LRMDA: variants seen among roughly 807,000 people sequenced by gnomAD.
LRMDA encodes the protein leucine rich melanocyte differentiation associated.
A neutral mutation model predicts 29.8 loss-of-function variants in LRMDA; 18 were observed. The observed-to-expected ratio is 0.60, with a 90% CI of 0.42 to 0.90. LRMDA has a LOEUF of 0.90. Ranked by LOEUF, LRMDA falls within the 40% of genes least tolerant of loss-of-function variation. The pLI, the probability that LRMDA is intolerant of heterozygous loss-of-function variation, is 0.00. For missense variants in LRMDA, 273 were observed against 273.9 expected, an observed-to-expected ratio of 1.00 and a Z score of 0.02; for synonymous variants, 125 against 109.4, an observed-to-expected ratio of 1.14 and a Z score of -0.89.
At chr10:75,754,531 A>G (rs1264830798) in intron 2 of LRMDA, among the ~76,000 whole-genome samples, 1 of 152,148 alleles carries the variant, frequency 6.6e-6, no homozygotes, top group East Asian at 1.9e-4. Context: ...TTTTTCGCCT[A>G]ACTGCACGGG....
intron 2 of LRMDA, among the ~76,000 whole-genome samples, chr10:75,706,318 T>C (rs1480669975): frequency 6.6e-6 from 1 of 152,224 alleles, no homozygotes; most frequent in Non-Finnish European, 1.5e-5. Context: ...TTTTGTATTA[T>C]TTCCTTAGGA....
chr10:75,969,957 G>A (rs936589297), intron 2 of LRMDA, among the ~76,000 whole-genome samples: 1 of 152,204 alleles, frequency 6.6e-6, no homozygotes, highest in African/African-American at 2.4e-5. Context: ...AAATGGAATT[G>A]TCTGAGATAG....
At chr10:76,233,809 A>G (rs1172512933) in intron 5 of LRMDA, among the ~76,000 whole-genome samples, 1 of 152,174 alleles carries the variant, frequency 6.6e-6, no homozygotes, top group Non-Finnish European at 1.5e-5. Context: ...ATTCAGTCCT[A>G]TCTTCAGGCT....
intron 2 of LRMDA, among the ~76,000 whole-genome samples, chr10:75,940,480 C>T (rs907854443): frequency 2.0e-5 from 3 of 152,120 alleles, no homozygotes; most frequent in African/African-American, 7.2e-5. Flanking sequence ...GTGCCTTCCA[C>T]GAAGCCATTC....
intron 2 of LRMDA, among the ~76,000 whole-genome samples, chr10:75,691,498 A>G (rs1441555765): frequency 6.6e-6 from 1 of 152,080 alleles, no homozygotes; most frequent in East Asian, 1.9e-4. Context: ...GAGGCAGCCT[A>G]CCTTGTTCCC....
chr10:76,492,501 G>C (rs951117832), intron 6 of LRMDA, among the ~76,000 whole-genome samples: 2 of 152,030 alleles, frequency 1.3e-5, no homozygotes, highest in Non-Finnish European at 2.9e-5. Flanking sequence ...TGGTTTACTA[G>C]GCAAAGACTC....
chr10:76,420,991 G>A (rs1842066276), intron 6 of LRMDA, among the ~76,000 whole-genome samples: 1 of 152,116 alleles, frequency 6.6e-6, no homozygotes, highest in South Asian at 2.1e-4. Context: ...GTCCTCACGT[G>A]CAGTATTCTT....
intron 2 of LRMDA, among the ~76,000 whole-genome samples, chr10:75,702,799 T>C (rs1340364346): frequency 6.6e-6 from 1 of 152,210 alleles, no homozygotes. Context: ...TCCTTATGAG[T>C]TGTGGTATAG....
rs540756508 is a variant in LRMDA, at chr10:76,203,032, T to C, written c.517-121369T>C. On this transcript the variant is annotated intron_variant, in intron 5 of 6. Transcript: ENST00000611255. ...CTACTCTTTGGTAAATGGTATTCAG[T>C]GGTTTACTTTTCTAAAAACTCAGCC... Among the ~76,000 whole-genome samples the C allele has an allele frequency of 3.9e-5, 6 of 152,260 alleles. No individual in the cohort carries two copies. The East Asian group carries it at 1.2e-3, about 29-fold the overall frequency.
intron 3 of LRMDA, among the ~76,000 whole-genome samples, chr10:76,045,589 G>C (rs1848425601): frequency 6.6e-6 from 1 of 152,110 alleles, no homozygotes; most frequent in Non-Finnish European, 1.5e-5. Flanking sequence ...GATGGTGGCA[G>C]AGCATGTGTA....
intron 5 of LRMDA, among the ~76,000 whole-genome samples, chr10:76,109,249 T>C (rs1388512596): frequency 1.3e-5 from 2 of 152,204 alleles, no homozygotes; most frequent in African/African-American, 4.8e-5. Flanking sequence ...ATGACCTTAA[T>C]AGCATTAGTG....
chr10:75,804,772 G>A (rs1589212335), intron 2 of LRMDA, among the ~76,000 whole-genome samples: 1 of 152,200 alleles, frequency 6.6e-6, no homozygotes, highest in East Asian at 1.9e-4. Context: ...AAGATAGATG[G>A]CTCTAAAATG....
In LRMDA at chr10:76,384,431, C is replaced by T. The variant is rs902319786; in HGVS notation, c.601+59946C>T. On this transcript the variant is annotated intron_variant, in intron 6 of 6. Transcript: ENST00000611255. ...GAAAACAAAATTTCATATTTTATAC[C>T]GAATGTTATATCCAGACCTGTCTGT... Among the ~76,000 whole-genome samples, 10 of 152,112 alleles carry T rather than the reference C, an allele frequency of 6.6e-5. No homozygotes were observed. In the East Asian group the frequency reaches 7.7e-4, roughly 12 times the overall value.
At chr10:76,386,533 A>G (rs1017989341) in intron 6 of LRMDA, among the ~76,000 whole-genome samples, 23 of 152,100 alleles carry the variant, frequency 1.5e-4, no homozygotes, top group African/African-American at 5.3e-4. Flanking sequence ...TTTCAGTTTT[A>G]TTTGTCAGCC....
chr10:75,888,225 A>AAC (rs1341975350), intron 2 of LRMDA, among the ~76,000 whole-genome samples: 1 of 152,208 alleles, frequency 6.6e-6, no homozygotes, highest in Non-Finnish European at 1.5e-5. Flanking sequence ...TGAAGAAAAA[A>AAC]AGAGAGAGTT....
chr10:75,782,920 A>G, intron 2 of LRMDA: 1 of 1,611,690 alleles, frequency 6.2e-7, no homozygotes, highest in Non-Finnish European at 8.5e-7. Flanking sequence ...CAACAGTGGC[A>G]TCTGCTCAGT....
chr10:75,999,873 C>T (rs1847531903), intron 2 of LRMDA, among the ~76,000 whole-genome samples: 3 of 152,232 alleles, frequency 2.0e-5, no homozygotes, highest in South Asian at 2.1e-4. Context: ...TACTTTATTT[C>T]GATATTTTCT....
At chr10:75,976,966 T>C (rs1272771497) in intron 2 of LRMDA, among the ~76,000 whole-genome samples, 2 of 152,170 alleles carry the variant, frequency 1.3e-5, no homozygotes, top group Non-Finnish European at 2.9e-5. Context: ...GGAAATGTCT[T>C]AGGCCTGAAC....
At chr10:76,520,655 T>TTA (rs1246945321) in intron 6 of LRMDA, among the ~76,000 whole-genome samples, 1 of 152,144 alleles carries the variant, frequency 6.6e-6, no homozygotes, top group Non-Finnish European at 1.5e-5. Context: ...TTTTAAAAAA[T>TTA]TATCTAGTGT....
Sources: allele counts gnomAD v4.1 joint callset (sites outside exome capture counted in the v4.1 genomes callset), GRCh38; gene constraint gnomAD v4.1.1; transcripts MANE v1.5; gene names NCBI Gene and HGNC (gene_info 2026-07-23, HGNC 2026-07-21).